Variants in ABCB1 observed in about 807,000 individuals in gnomAD.
ABCB1 encodes ATP binding cassette subfamily B member 1.
ABCB1 carries 69 observed loss-of-function variants against 142.0 expected under a neutral mutation model. That is an observed-to-expected ratio of 0.49 (90% CI 0.40 to 0.59). ABCB1 has a LOEUF of 0.59. Ranked by LOEUF, ABCB1 falls within the 20% of genes least tolerant of loss-of-function variation. The probability of loss-of-function intolerance (pLI) is 0.00; values close to 1 mark genes in which losing one functional copy is unlikely to be tolerated. For missense variants in ABCB1, 1,326 were observed against 1,554.7 expected, an observed-to-expected ratio of 0.85 and a Z score of 2.47; for synonymous variants, 532 against 539.2, an observed-to-expected ratio of 0.99 and a Z score of 0.18.
At chr7:87,649,751 C>G (rs541853721) in intron 1 of ABCB1, among the ~76,000 whole-genome samples, 1 of 152,238 alleles carries the variant, frequency 6.6e-6, no homozygotes, top group Non-Finnish European at 1.5e-5. Context: ...TCCCATAATT[C>G]CTATGTGTTG....
At chr7:87,514,329 T>C (rs903769926) in intron 25 of ABCB1, among the ~76,000 whole-genome samples, 3 of 152,208 alleles carry the variant, frequency 2.0e-5, no homozygotes, top group Non-Finnish European at 4.4e-5. Context: ...GCCTACATAA[T>C]GAAAATGTCT....
chr7:87,536,694 A>G (rs1816310343), intron 19 of ABCB1, among the ~76,000 whole-genome samples, 153 bp from the exon 20 acceptor site: 1 of 152,244 alleles, frequency 6.6e-6, no homozygotes, highest in Non-Finnish European at 1.5e-5. Flanking sequence ...GAAACTTAAT[A>G]TAAAAACACA....
intron 1 of ABCB1, among the ~76,000 whole-genome samples, chr7:87,632,087 G>GA (rs901144685): frequency 6.8e-6 from 1 of 147,638 alleles, no homozygotes. Context: ...TGATGTTCTG[G>GA]AAAAAATTGA....
At chr7:87,586,397 C>T (rs1239613140) in intron 3 of ABCB1, among the ~76,000 whole-genome samples, 1 of 152,142 alleles carries the variant, frequency 6.6e-6, no homozygotes, top group Admixed American at 6.5e-5. Context: ...GCTCAGGGCC[C>T]CCTTGGGAAG....
intron 3 of ABCB1, among the ~76,000 whole-genome samples, chr7:87,589,826 G>GAGAC (rs1274686676): frequency 6.7e-6 from 1 of 148,382 alleles, no homozygotes; most frequent in Non-Finnish European, 1.5e-5. Context: ...GAGAGAGAGA[G>GAGAC]AGAGAGAGAG....
chr7:87,517,347 A>G (rs1412238906), intron 23 of ABCB1, among the ~76,000 whole-genome samples: 1 of 149,914 alleles, frequency 6.7e-6, no homozygotes, highest in East Asian at 1.9e-4. Context: ...GCATGCATGC[A>G]TGTGTTCTCT....
intron 1 of ABCB1, among the ~76,000 whole-genome samples, chr7:87,693,057 G>A (rs1268638315): frequency 1.3e-5 from 2 of 152,110 alleles, no homozygotes; most frequent in Non-Finnish European, 2.9e-5. Context: ...GGAAAGGTGT[G>A]GGACCATGTA....
chr7:87,681,897 G>T (rs1484491910), intron 1 of ABCB1, among the ~76,000 whole-genome samples: 1 of 152,154 alleles, frequency 6.6e-6, no homozygotes, highest in Non-Finnish European at 1.5e-5. Context: ...TTCCTTTCAT[G>T]AAAGGTTTCT....
chr7:87,710,240 C>T (rs770648527), intron 1 of ABCB1, among the ~76,000 whole-genome samples: 36 of 151,962 alleles, frequency 2.4e-4, no homozygotes, highest in Admixed American at 2.0e-4. Context: ...TGTTGATTTG[C>T]GGTATTGAAG....
At chr7:87,541,183 G>T (rs1816516237) in intron 18 of ABCB1, among the ~76,000 whole-genome samples, 174 bp downstream of exon 18, 3 of 152,072 alleles carry the variant, frequency 2.0e-5, no homozygotes, top group Admixed American at 2.0e-4. Flanking sequence ...GGTAAGCAAG[G>T]GAGCCAGAGG....
chr7:87,529,897 C>T (rs1322957254), intron 21 of ABCB1, among the ~76,000 whole-genome samples: 1 of 152,216 alleles, frequency 6.6e-6, no homozygotes, highest in Non-Finnish European at 1.5e-5. Flanking sequence ...CCCTGTGGGT[C>T]AGCACCATCC....
chr7:87,706,161 C>T (rs1303004029), intron 1 of ABCB1, among the ~76,000 whole-genome samples: 2 of 152,196 alleles, frequency 1.3e-5, no homozygotes, highest in Admixed American at 6.5e-5. Flanking sequence ...CATATCCATG[C>T]ATCTTTCCAT....
intron 1 of ABCB1, among the ~76,000 whole-genome samples, chr7:87,685,526 CACA>C (rs1284534879): frequency 1.3e-5 from 2 of 152,184 alleles, no homozygotes; most frequent in Non-Finnish European, 2.9e-5. Flanking sequence ...AATTTCCACA[CACA>C]ACAACATGTA....
intron 9 of ABCB1, 134 bp downstream of exon 9, chr7:87,553,627 T>C (rs536360399): frequency 4.9e-4 from 498 of 1,007,572 alleles, no homozygotes; most frequent in Non-Finnish European, 6.8e-4. Flanking sequence ...GCCTTCCACT[T>C]TTTAACCTAG....
Position 87,503,826 on chromosome 7 carries a change from G to C in ABCB1, c.*417C>G, listed in dbSNP as rs1195970979. The C allele has an allele frequency of 4.2e-6, 1 of 238,820 alleles. No individual in the cohort carries two copies. Among genetic ancestry groups the C allele is most frequent in the African/African-American group, 2.3e-5 (1 of 43,416 alleles). 14.8% of individuals were successfully genotyped at this position (238,820 alleles called of 1,614,324 possible). A position where few individuals can be genotyped will look rare whatever the true frequency, so the allele number is the denominator to read the frequency against. ...ATCTACAATATTCCAATTGAGAGAAGATATATTCACAGGCAGTTTGGACAA... is the reference window on the plus strand; with the variant it reads ...ATCTACAATATTCCAATTGAGAGAACATATATTCACAGGCAGTTTGGACAA... On this transcript the variant is annotated 3_prime_UTR_variant, in exon 28 of 28. Coordinates refer to ENST00000622132, the MANE Select transcript of ABCB1 (RefSeq NM_001348946.2).
chr7:87,526,618 A>T (rs73705240), intron 21 of ABCB1, among the ~76,000 whole-genome samples: 1 of 152,174 alleles, frequency 6.6e-6, no homozygotes, highest in Non-Finnish European at 1.5e-5. Flanking sequence ...AATACCTTTG[A>T]TGTTAAACTC....
At chr7:87,576,719 G>T (rs1321147930) in intron 4 of ABCB1, among the ~76,000 whole-genome samples, 1 of 150,746 alleles carries the variant, frequency 6.6e-6, no homozygotes, top group Admixed American at 6.6e-5. Flanking sequence ...GATAGTCCTG[G>T]TTTTTTTAGT....
chr7:87,629,195 G>A (rs983662875), intron 1 of ABCB1: 3 of 376,232 alleles, frequency 8.0e-6, no homozygotes, highest in African/African-American at 4.1e-5. Flanking sequence ...GGCGGGGCTG[G>A]AGGAGGATTT....
chr7:87,649,882 A>G (rs1212915975), intron 1 of ABCB1, among the ~76,000 whole-genome samples: 3 of 152,160 alleles, frequency 2.0e-5, no homozygotes, highest in Non-Finnish European at 4.4e-5. Flanking sequence ...TCCCCTACAC[A>G]TGCTCTCTTG....
Sources: allele counts gnomAD v4.1 joint callset (sites outside exome capture counted in the v4.1 genomes callset), GRCh38; gene constraint gnomAD v4.1.1; transcripts MANE v1.5; gene names NCBI Gene and HGNC (gene_info 2026-07-23, HGNC 2026-07-21).